HYDIN: variants seen among roughly 807,000 people sequenced by gnomAD.
HYDIN encodes axonemal central pair apparatus protein HYDIN.
HYDIN carries 132 observed loss-of-function variants against 403.9 expected under a neutral mutation model. That is an observed-to-expected ratio of 0.33 (90% CI 0.28 to 0.38). HYDIN has a LOEUF of 0.38. Among genes scored for constraint, HYDIN ranks in the 10% least tolerant of loss-of-function variants. The pLI is 1.00. For synonymous variants in HYDIN, 1,202 were observed against 1,891.7 expected (o/e 0.64, Z 9.46); for missense variants, 2,827 against 5,009.5 (o/e 0.56, Z 13.15).
At chr16:71,061,224 G>A (rs548018248) in intron 17 of HYDIN, among the ~76,000 whole-genome samples, 2 of 149,078 alleles carry the variant, frequency 1.3e-5, no homozygotes, top group African/African-American at 4.9e-5. Flanking sequence ...CTGTGCAGGG[G>A]GGTAGGACAG....
At chr16:70,820,383 G>A (rs1341546685) in intron 83 of HYDIN, among the ~76,000 whole-genome samples, 6 of 150,314 alleles carry the variant, frequency 4.0e-5, no homozygotes, top group Non-Finnish European at 3.0e-5. Context: ...AGTAGAGATG[G>A]GGTTTCACCA....
chr16:71,120,647 A>T (rs529356014), intron 9 of HYDIN, among the ~76,000 whole-genome samples: 9 of 152,224 alleles, frequency 5.9e-5, no homozygotes, highest in African/African-American at 1.7e-4. Flanking sequence ...ACATCTTTTT[A>T]AAAAATTGCC....
At chr16:70,945,169 T>C (rs2077813492) in intron 41 of HYDIN, among the ~76,000 whole-genome samples, 1 of 152,156 alleles carries the variant, frequency 6.6e-6, no homozygotes, top group African/African-American at 2.4e-5. Flanking sequence ...AGGATGGTGG[T>C]GGTGACTGAG....
chr16:71,085,995 T>C (rs564334331), intron 12 of HYDIN, among the ~76,000 whole-genome samples: 4 of 152,166 alleles, frequency 2.6e-5, no homozygotes, highest in Non-Finnish European at 4.4e-5. Flanking sequence ...ATTTAATACA[T>C]TGACATTTAA....
intron 40 of HYDIN, among the ~76,000 whole-genome samples, chr16:70,955,024 C>T (rs528278365): frequency 6.6e-5 from 10 of 152,236 alleles, no homozygotes; most frequent in African/African-American, 9.6e-5. Context: ...ATCCCAAAGT[C>T]GCTCTTTCAA....
chr16:70,967,448 T>A (rs1303130251), intron 36 of HYDIN, among the ~76,000 whole-genome samples: 1 of 151,692 alleles, frequency 6.6e-6, no homozygotes, highest in Non-Finnish European at 1.5e-5. Context: ...TAGCTGGAAC[T>A]ATAAGCATGT....
chr16:71,041,686 C>T (rs2081292197), intron 18 of HYDIN, among the ~76,000 whole-genome samples: 1 of 152,126 alleles, frequency 6.6e-6, no homozygotes, highest in South Asian at 2.1e-4. Flanking sequence ...TCAGAAGATA[C>T]ACAACAAAAA....
chr16:70,955,179 G>A lies in HYDIN; in HGVS notation c.6316+196C>T, dbSNP rs930637825. 1.9e-4 allele frequency among the ~76,000 whole-genome samples: 29 copies of A among 152,026 alleles called. No homozygotes were observed. The South Asian group carries it at 2.3e-3, about 12-fold the overall frequency. ...TCCCCACAGTGGCAAGAGCACGCTGGCATTGGGCAGGGCAGGAGACCCAGG... is the reference window on the plus strand; with the variant it reads ...TCCCCACAGTGGCAAGAGCACGCTGACATTGGGCAGGGCAGGAGACCCAGG... On this transcript the variant is annotated intron_variant, in intron 40 of 85. Coordinates refer to ENST00000393567, the MANE Select transcript of HYDIN (RefSeq NM_001270974.2).
At position 71,093,028 on chromosome 16, in the gene HYDIN, TCACA is replaced by T. The variant is rs10666940; in HGVS notation, c.1446+785_1446+788del. Among the ~76,000 whole-genome samples the T allele has an allele frequency of 3.6e-5, 4 of 112,140 alleles. No homozygotes were observed. The Admixed American group carries it at 4.0e-4, about 11-fold the overall frequency. 73.6% of individuals were successfully genotyped at this position (112,140 alleles called of 152,430 possible). A position where few individuals can be genotyped will look rare whatever the true frequency, so the allele number is the denominator to read the frequency against. On this transcript the variant is annotated intron_variant, in intron 11 of 85. Transcript: ENST00000393567. ...TTCACAATTTGGTAAGGATTAGAAATCACACACACACACACACATAGACATGCAC... is the reference window on the plus strand; with the variant it reads ...TTCACAATTTGGTAAGGATTAGAAATCACACACACACACATAGACATGCAC...
intron 23 of HYDIN, among the ~76,000 whole-genome samples, chr16:70,999,111 T>C (rs2144067258): frequency 6.6e-6 from 1 of 152,292 alleles, no homozygotes; most frequent in East Asian, 1.9e-4. Context: ...GAATACCATC[T>C]TTTTAAAAGG....
rs1452895835 is a variant in HYDIN at position 70,878,937 on chromosome 16, T to C, written c.10557+360A>G. On this transcript the variant is annotated intron_variant, in intron 62 of 85. Coordinates refer to ENST00000393567, the MANE Select transcript of HYDIN (RefSeq NM_001270974.2). The stretch of plus-strand genomic sequence containing the variant: ...ATTTGAATGCTGTATTTTTCACCCC[T>C]CCTGAAGTTTCTTTTATCATCTTAT... Among the ~76,000 whole-genome samples the C allele has an allele frequency of 4.2e-5, 6 of 142,862 alleles. 1 individual carries two copies. In the East Asian group the frequency reaches 7.7e-4, roughly 18 times the overall value. 93.7% of individuals were successfully genotyped at this position (142,862 alleles called of 152,430 possible).
intron 65 of HYDIN, among the ~76,000 whole-genome samples, chr16:70,869,501 TG>T (rs2039973811): frequency 6.6e-6 from 1 of 151,444 alleles, no homozygotes; most frequent in East Asian, 2.0e-4. Flanking sequence ...AATTGAATCA[TG>T]GGGGCAGTTT....
chr16:71,055,212 G>A (rs2081839961), intron 18 of HYDIN, among the ~76,000 whole-genome samples: 2 of 152,302 alleles, frequency 1.3e-5, no homozygotes, highest in Non-Finnish European at 2.9e-5. Context: ...GAATCTGAAA[G>A]TCAGACCACT....
rs1308434135 is a variant in HYDIN, at chr16:70,834,046, T to G, written c.13520A>C (p.Glu4507Ala). The G allele has an allele frequency of 5.0e-6, 8 of 1,603,258 alleles. No homozygotes were observed. In the Admixed American group the frequency reaches 1.3e-4, roughly 27 times the overall value. ...GAGGGGGCGCAGGAGCCCCATGCAT[T>G]CCATGAACACTTCCTCAGAGAAGGG... Reference protein sequence around the residue: ...VPPFSEEVFMECMGLLRPLFL... With the variant: ...VPPFSEEVFMACMGLLRPLFL... Residue 4507 changes from glutamate (E) to alanine (A), a missense_variant, in exon 79 of 86, where the codon GAA becomes GCA. Physicochemically the swap from Glu to Ala is moderately radical, Grantham distance 107 (BLOSUM62 -1). Coordinates refer to ENST00000393567, the MANE Select transcript of HYDIN (RefSeq NM_001270974.2).
rs536428596 is a variant in HYDIN, at chr16:71,102,155, G to C, written c.1328-8220C>G. Among the ~76,000 whole-genome samples, 145 of 151,848 alleles carry C rather than the reference G, an allele frequency of 9.5e-4. 1 individual carries two copies. Among genetic ancestry groups the C allele is most frequent in the Middle Eastern group, 6.8e-3 (2 of 294 alleles). Reference sequence around the variant, plus strand: ...TAAAAAGCAGTATGAAGAAAACCAAGGAAATGATTAACTGACTACACAAAA... The same window carrying C: ...TAAAAAGCAGTATGAAGAAAACCAACGAAATGATTAACTGACTACACAAAA... On this transcript the variant is annotated intron_variant, in intron 10 of 85. Transcript: ENST00000393567.
chr16:70,831,081 G>A (rs1310327740), intron 80 of HYDIN, among the ~76,000 whole-genome samples: 9 of 150,894 alleles, frequency 6.0e-5, no homozygotes, highest in South Asian at 2.1e-4. Context: ...TTACAGGCAC[G>A]AGCTACTGTG....
chr16:71,124,316 A>C (rs2144497253), intron 9 of HYDIN, among the ~76,000 whole-genome samples: 1 of 152,370 alleles, frequency 6.6e-6, no homozygotes, highest in South Asian at 2.1e-4. Flanking sequence ...GCAGTTCTAG[A>C]GTTTTGAGTC....
chr16:70,879,526 T>C (rs747138052), intron 61 of HYDIN, 40 bp from the exon 62 acceptor site: 8 of 1,609,236 alleles, frequency 5.0e-6, no homozygotes, highest in Non-Finnish European at 6.8e-6. Flanking sequence ...CAGCCTGGCA[T>C]GGTGGGAATG....
In HYDIN at chr16:70,892,618, C is replaced by T. The variant is rs1321183505; in HGVS notation, c.9249-89G>A. 6 of 1,478,598 alleles carry T rather than the reference C, an allele frequency of 4.1e-6. No homozygotes were observed. The South Asian group carries it at 5.7e-5, about 14-fold the overall frequency. 91.6% of individuals were successfully genotyped at this position (1,478,598 alleles called of 1,614,324 possible). A position where few individuals can be genotyped will look rare whatever the true frequency, so the allele number is the denominator to read the frequency against. On this transcript the variant is annotated intron_variant, in intron 55 of 85. Coordinates refer to ENST00000393567, the MANE Select transcript of HYDIN (RefSeq NM_001270974.2). ...GAGACTCTAGATGGTTGAGTGCCTGCTGTGTTTCCAGCCCTGTTTAGCCAC... is the reference window on the plus strand; with the variant it reads ...GAGACTCTAGATGGTTGAGTGCCTGTTGTGTTTCCAGCCCTGTTTAGCCAC...
Sources: gnomAD v4.1 joint callset for allele counts (sites outside exome capture counted in the v4.1 genomes callset) on GRCh38, gnomAD v4.1.1 for gene constraint, MANE v1.5 for transcripts, NCBI Gene and HGNC (gene_info 2026-07-23, HGNC 2026-07-21) for gene names.